RASGEF1C: variants seen among roughly 807,000 people sequenced by gnomAD.
RASGEF1C encodes the protein ras-GEF domain-containing family member 1C.
RASGEF1C carries 27 observed loss-of-function variants against 58.1 expected under a neutral mutation model. The ratio of observed to expected loss-of-function variants is 0.46; its 90% confidence interval spans 0.34 to 0.64. The LOEUF (loss-of-function observed/expected upper bound fraction) is 0.64. Ranked by LOEUF, RASGEF1C falls within the 30% of genes least tolerant of loss-of-function variation. RASGEF1C has a pLI of 0.01. For synonymous variants in RASGEF1C, 243 were observed against 246.3 expected, an observed-to-expected ratio of 0.99 and a Z score of 0.13; for missense variants, 502 against 605.1, an observed-to-expected ratio of 0.83 and a Z score of 1.79.
At position 180,143,005 on chromosome 5, in the gene RASGEF1C, A is replaced by G. The variant is rs1194872420; in HGVS notation, c.-6-4947T>C. 2.0e-5 allele frequency among the ~76,000 whole-genome samples: 3 copies of G among 152,086 alleles called. No individual in the cohort carries two copies. The highest frequency in any genetic ancestry group is 2.9e-5 in the Non-Finnish European group (2 of 68,016). ...AGCTTCTGCCTCGGTTTCCCTCTCCATGGCTCCTGTCCCACTGCCTGGCCC... is the reference window on the plus strand; with the variant it reads ...AGCTTCTGCCTCGGTTTCCCTCTCCGTGGCTCCTGTCCCACTGCCTGGCCC... On this transcript the variant is annotated intron_variant, in intron 1 of 13. Transcript: ENST00000361132. This position sits in a 1 kb window ranked among gnomAD's most constrained non-coding sequence, Gnocchi z 4.3.
chr5:180,191,387 A>T (rs13178273), intron 1 of RASGEF1C, among the ~76,000 whole-genome samples: 36 of 151,586 alleles, frequency 2.4e-4, no homozygotes, highest in African/African-American at 6.5e-4. Context: ...GACGGAGTCT[A>T]GCTCTGTCGC....
chr5:180,120,069 G>C (rs539829419), intron 7 of RASGEF1C, among the ~76,000 whole-genome samples: 2 of 152,210 alleles, frequency 1.3e-5, no homozygotes, highest in East Asian at 3.9e-4. Flanking sequence ...CGTGAGGGTA[G>C]GAAGTGGGCT....
chr5:180,208,076 C>G (rs1756521396), intron 1 of RASGEF1C, among the ~76,000 whole-genome samples: 1 of 152,142 alleles, frequency 6.6e-6, no homozygotes, highest in African/African-American at 2.4e-5. Flanking sequence ...ACAACCCTAG[C>G]CCCCCTCCAC....
intron 4 of RASGEF1C, among the ~76,000 whole-genome samples, chr5:180,134,777 C>T (rs946040423): frequency 1.3e-4 from 11 of 82,296 alleles, no homozygotes; most frequent in African/African-American, 3.7e-4. Context: ...TTTACAGTGA[C>T]CCCCAACCCC....
At position 180,137,997 on chromosome 5, in the gene RASGEF1C, G is replaced by T. The variant is rs1766515510; in HGVS notation, c.56C>A (p.Pro19His). The part of the protein sequence containing the change: ...DMVTPGSLSP[P>H]PTEPTDGEQA... Reference sequence around the variant, plus strand: ...TTCGCCATCTGTGGGCTCGGTGGGGGGTGGGCTGAGGCTGCCTGGGGTGAC... The same window carrying T: ...TTCGCCATCTGTGGGCTCGGTGGGGTGTGGGCTGAGGCTGCCTGGGGTGAC... Residue 19 changes from proline (P) to histidine (H), a missense_variant, in exon 2 of 14, where the codon CCC becomes CAC. Physicochemically the swap from Pro to His is moderately conservative, Grantham distance 77 (BLOSUM62 -2). Coordinates refer to ENST00000361132, the MANE Select transcript of RASGEF1C (RefSeq NM_175062.4). This position sits in a 1 kb window ranked among gnomAD's most constrained non-coding sequence, Gnocchi z 4.1. 2.5e-6 allele frequency: 4 copies of T among 1,578,462 alleles called. No homozygotes were observed. In the East Asian group the frequency reaches 9.2e-5, roughly 36 times the overall value.
chr5:180,174,068 C>T (rs574782519), intron 1 of RASGEF1C, among the ~76,000 whole-genome samples: 7 of 151,940 alleles, frequency 4.6e-5, no homozygotes, highest in East Asian at 1.9e-4. Context: ...GGGCTCCTTC[C>T]GCCTGGAGAC....
At chr5:180,138,227 T>G (rs1766520642) in intron 1 of RASGEF1C, 169 bp from the exon 2 acceptor site, 1 of 477,312 alleles carries the variant, frequency 2.1e-6, no homozygotes, top group Non-Finnish European at 3.7e-6. Context: ...TCAGGGCCCC[T>G]TCCTCACAGC....
intron 12 of RASGEF1C, among the ~76,000 whole-genome samples, chr5:180,103,165 C>T (rs1411392662): frequency 6.6e-6 from 1 of 152,152 alleles, no homozygotes. Context: ...GCAAGCTCTG[C>T]CTCCCGGGTT....
intron 1 of RASGEF1C, 106 bp from the exon 2 acceptor site, chr5:180,138,164 C>T: frequency 1.6e-6 from 1 of 637,556 alleles, no homozygotes; most frequent in Non-Finnish European, 2.5e-6. Context: ...CAGGCTCCCC[C>T]CACAGCCACT....
At chr5:180,110,392 CTTTTTT>C (rs67020657) in intron 12 of RASGEF1C, among the ~76,000 whole-genome samples, 1 of 132,288 alleles carries the variant, frequency 7.6e-6, no homozygotes. Context: ...ATCCTTCTCC[CTTTTTT>C]TTTTTTTTTT....
chr5:180,108,032 G>A (rs144605190), intron 12 of RASGEF1C, among the ~76,000 whole-genome samples: 1 of 152,202 alleles, frequency 6.6e-6, no homozygotes, highest in East Asian at 1.9e-4. Flanking sequence ...TGAATCTGTA[G>A]GTTTATGTTT....
chr5:180,178,790 G>A (rs993595899), intron 1 of RASGEF1C, among the ~76,000 whole-genome samples: 3 of 152,016 alleles, frequency 2.0e-5, no homozygotes, highest in African/African-American at 4.8e-5. Context: ...ACCCCGGGGC[G>A]TCACTTTCCT....
chr5:180,138,539 C>T (rs1451882282), intron 1 of RASGEF1C, among the ~76,000 whole-genome samples: 2 of 152,130 alleles, frequency 1.3e-5, no homozygotes, highest in African/African-American at 2.4e-5. Flanking sequence ...GGAATGTATG[C>T]CCGACGCTAC....
chr5:180,165,881 C>G (rs1767014301), intron 1 of RASGEF1C, among the ~76,000 whole-genome samples: 1 of 150,098 alleles, frequency 6.7e-6, no homozygotes. Flanking sequence ...TCCTGAGTAG[C>G]TGGGACTACA....
chr5:180,177,820 C>T lies in RASGEF1C; in HGVS notation c.-7+31208G>A, dbSNP rs1767255376. Among the ~76,000 whole-genome samples, 1 of 152,170 alleles carries T rather than the reference C, an allele frequency of 6.6e-6. No homozygotes were observed. The highest frequency in any genetic ancestry group is 1.5e-5 in the Non-Finnish European group (1 of 68,028). ...TGTCTGAGCAGAGCCTCTCTCTCTG[C>T]TCAGGGCAAGGTAAGGACAGGAAGT... On this transcript the variant is annotated intron_variant, in intron 1 of 13. Transcript: ENST00000361132. This position sits in a 1 kb window ranked among gnomAD's most constrained non-coding sequence, Gnocchi z 5.0.
intron 4 of RASGEF1C, among the ~76,000 whole-genome samples, chr5:180,131,619 T>A (rs1766372229): frequency 6.6e-6 from 1 of 152,186 alleles, no homozygotes; most frequent in African/African-American, 2.4e-5. Flanking sequence ...TGAAGGGCCG[T>A]AGCTGGCTCA....
chr5:180,185,411 C>T (rs1237898005), intron 1 of RASGEF1C, among the ~76,000 whole-genome samples: 3 of 151,902 alleles, frequency 2.0e-5, no homozygotes, highest in African/African-American at 7.3e-5. Context: ...ATGGTGAAAT[C>T]CCATCTCTAC....
In RASGEF1C at chr5:180,155,239, C is replaced by T. The variant is rs1200146808; in HGVS notation, c.-6-17181G>A. Reference sequence around the variant, plus strand: ...GCTGCCCCGAGCAGTGGTAGCATCACGTCTAGGCTCTGAAAGCCTCTGTGG... The same window carrying T: ...GCTGCCCCGAGCAGTGGTAGCATCATGTCTAGGCTCTGAAAGCCTCTGTGG... On this transcript the variant is annotated intron_variant, in intron 1 of 13. Transcript: ENST00000361132. This position sits in a 1 kb window ranked among gnomAD's most constrained non-coding sequence, Gnocchi z 5.2. Among the ~76,000 whole-genome samples, 25 of 152,184 alleles carry T rather than the reference C, an allele frequency of 1.6e-4. No individual in the cohort carries two copies. The highest frequency in any genetic ancestry group is 1.4e-3 in the Admixed American group (21 of 15,280).
intron 1 of RASGEF1C, among the ~76,000 whole-genome samples, chr5:180,190,361 G>A (rs1246748118): frequency 6.6e-6 from 1 of 151,538 alleles, no homozygotes; most frequent in Admixed American, 6.6e-5. Context: ...GTGGTGGCGG[G>A]CGCCTGTAGT....
Sources: gnomAD v4.1 joint callset for allele counts (sites outside exome capture counted in the v4.1 genomes callset) on GRCh38, gnomAD v4.1.1 for gene constraint, Gnocchi (gnomAD v3.1) non-coding constraint, MANE v1.5 for transcripts, NCBI Gene and HGNC (gene_info 2026-07-23, HGNC 2026-07-21) for gene names.